Variants in TMEFF1 observed in about 807,000 individuals in gnomAD.
TMEFF1 encodes transmembrane protein with EGF like and two follistatin like domains 1.
In TMEFF1, 20 loss-of-function variants were observed where a neutral mutation model predicts 47.5. The ratio of observed to expected loss-of-function variants is 0.42; its 90% CI spans 0.30 to 0.61. The LOEUF (loss-of-function observed/expected upper bound fraction) is 0.61. Among genes scored for constraint, TMEFF1 ranks in the 20% least tolerant of loss-of-function variants. The probability of loss-of-function intolerance (pLI) is 0.19; values close to 1 mark genes in which losing one functional copy is unlikely to be tolerated. For synonymous variants in TMEFF1, 162 were observed against 166.3 expected, an observed-to-expected ratio of 0.97 and a Z score of 0.20; for missense variants, 411 against 471.1, an observed-to-expected ratio of 0.87 and a Z score of 1.18.
rs1255290151 is a variant in TMEFF1 at position 100,473,911 on chromosome 9, G to C, written c.196+171G>C. On this transcript the variant is annotated intron_variant, in intron 1 of 9. Coordinates refer to ENST00000374879, the MANE Select transcript of TMEFF1 (RefSeq NM_003692.5). This position sits in a 1 kb window ranked among gnomAD's most constrained non-coding sequence, Gnocchi z 5.4. ...GCGCGAGCGTGCGGTGTGGCTTTGGGACCGGCGCTGGGGATGGGAGTGGCC... is the reference window on the plus strand; with the variant it reads ...GCGCGAGCGTGCGGTGTGGCTTTGGCACCGGCGCTGGGGATGGGAGTGGCC... Among the ~76,000 whole-genome samples, 1 of 152,016 alleles carries C rather than the reference G, an allele frequency of 6.6e-6. No homozygotes were observed. The highest frequency in any genetic ancestry group is 2.4e-5 in the African/African-American group (1 of 41,420).
At chr9:100,547,957 A>G (rs1838766132) in intron 6 of TMEFF1, 65 bp downstream of exon 6, 1 of 1,364,442 alleles carries the variant, frequency 7.3e-7, no homozygotes, top group Non-Finnish European at 9.5e-7. Flanking sequence ...TCTTATTTGT[A>G]CATTTGGTAG....
chr9:100,508,885 A>C (rs1394683067), intron 2 of TMEFF1, 120 bp from the exon 3 acceptor site: 2 of 1,228,544 alleles, frequency 1.6e-6, no homozygotes, highest in African/African-American at 1.6e-5. Flanking sequence ...AAAAAAAAAA[A>C]ACCCCAGACT....
rs1837198622 is a variant in TMEFF1 at position 100,475,228 on chromosome 9, G to A, written c.196+1488G>A. Among the ~76,000 whole-genome samples the A allele has an allele frequency of 2.6e-5, 4 of 152,200 alleles. No individual in the cohort carries two copies. In the South Asian group the frequency reaches 8.3e-4, roughly 32 times the overall value. On this transcript the variant is annotated intron_variant, in intron 1 of 9. Coordinates refer to ENST00000374879, the MANE Select transcript of TMEFF1 (RefSeq NM_003692.5). ...AGATGCTTATGCTACCCTAAATGAA[G>A]CAAGCCTTTGGCCCGCTATTTAGGT...
rs117597003 is a variant in TMEFF1, at chr9:100,518,790, A to G, written c.560+2019A>G. Among the ~76,000 whole-genome samples the G allele has an allele frequency of 8.3e-3, 1,258 of 152,248 alleles. 31 individuals are homozygous for G. Among genetic ancestry groups the G allele is most frequent in the Admixed American group, 0.058 (882 of 15,284 alleles). On this transcript the variant is annotated intron_variant, in intron 5 of 9. Transcript: ENST00000374879. The stretch of plus-strand genomic sequence containing the variant: ...TGGGCCATGGTACCAAGAAAGTTAT[A>G]TAGTGGTTATGTAACTCCCTCAAAG...
chr9:100,526,955 C>CAAAAAAAA (rs55736750), intron 5 of TMEFF1, among the ~76,000 whole-genome samples: 13 of 38,978 alleles, frequency 3.3e-4, no homozygotes, highest in Admixed American at 8.5e-4. Flanking sequence ...GCTAAAAATA[C>CAAAAAAAA]AAAAAAAAAA....
At chr9:100,505,649 C>G (rs1368558169) in intron 2 of TMEFF1, among the ~76,000 whole-genome samples, 1 of 152,096 alleles carries the variant, frequency 6.6e-6, no homozygotes, top group Non-Finnish European at 1.5e-5. Flanking sequence ...TGGAACTGTC[C>G]TTTCCTTTGC....
intron 9 of TMEFF1, 149 bp downstream of exon 9, chr9:100,572,825 G>A (rs149138187): frequency 5.9e-6 from 6 of 1,017,436 alleles, no homozygotes; most frequent in Non-Finnish European, 4.0e-6. Context: ...TTCTTCTTTA[G>A]GATACGGGCA....
At chr9:100,541,347 C>CGTTTT (rs748303966) in intron 5 of TMEFF1, among the ~76,000 whole-genome samples, 3 of 131,454 alleles carry the variant, frequency 2.3e-5, no homozygotes, top group East Asian at 2.2e-4. Flanking sequence ...TTGGCAATTT[C>CGTTTT]ATTTTTTTTT....
chr9:100,512,574 C>T (rs936987205), intron 3 of TMEFF1, among the ~76,000 whole-genome samples: 2 of 152,168 alleles, frequency 1.3e-5, no homozygotes, highest in Non-Finnish European at 2.9e-5. Flanking sequence ...GATGATTTTA[C>T]ATCATTACCC....
intron 5 of TMEFF1, among the ~76,000 whole-genome samples, chr9:100,521,862 A>G (rs1428704055): frequency 2.6e-5 from 4 of 152,190 alleles, no homozygotes; most frequent in Non-Finnish European, 4.4e-5. Context: ...CTTTTTAGAG[A>G]TGCTGTTTCC....
chr9:100,521,101 C>G (rs1838152960), intron 5 of TMEFF1, among the ~76,000 whole-genome samples: 1 of 152,158 alleles, frequency 6.6e-6, no homozygotes, highest in African/African-American at 2.4e-5. Context: ...GAAACTGTAT[C>G]TAAAGTAAGA....
At chr9:100,561,265 A>C (rs1018259970) in intron 7 of TMEFF1, 132 bp from the exon 8 acceptor site, 1 of 1,468,946 alleles carries the variant, frequency 6.8e-7, no homozygotes, top group African/African-American at 1.4e-5. Context: ...CCTATCTGAT[A>C]AATTTTCTTT....
chr9:100,546,170 C>T (rs528660467), intron 5 of TMEFF1, among the ~76,000 whole-genome samples: 1 of 152,258 alleles, frequency 6.6e-6, no homozygotes, highest in African/African-American at 2.4e-5. Context: ...TCTGTTTTCA[C>T]ACTGCTGATA....
At chr9:100,503,603 G>A (rs1243885707) in intron 2 of TMEFF1, among the ~76,000 whole-genome samples, 1 of 150,888 alleles carries the variant, frequency 6.6e-6, no homozygotes, top group Non-Finnish European at 1.5e-5. Flanking sequence ...CGAGCAATAA[G>A]GAATTAGCTC....
At chr9:100,519,596 C>T (rs1018938144) in intron 5 of TMEFF1, among the ~76,000 whole-genome samples, 9 of 148,802 alleles carry the variant, frequency 6.0e-5, no homozygotes, top group South Asian at 2.2e-4. Context: ...AAAAAATTCC[C>T]GGAAGGAATG....
intron 5 of TMEFF1, among the ~76,000 whole-genome samples, chr9:100,519,125 A>C (rs1838118342): frequency 6.6e-6 from 1 of 152,154 alleles, no homozygotes; most frequent in Non-Finnish European, 1.5e-5. Context: ...CTTAATATTT[A>C]TCTTCAGGCA....
chr9:100,575,925 T>A (rs1839343150), intron 9 of TMEFF1, among the ~76,000 whole-genome samples: 1 of 152,144 alleles, frequency 6.6e-6, no homozygotes, highest in South Asian at 2.1e-4. Flanking sequence ...GAATGTCCCT[T>A]ATCCTCAGTG....
chr9:100,547,858 A>G lies in TMEFF1; in HGVS notation c.675A>G (p.Glu225=). The part of the protein sequence containing the change: ...FVREASCIKQ[E]QIDIRHLGHC... ...GAGAAGCATCTTGTATAAAGCAAGA[A>G]CAAATTGATATAAGGCATCTTGGTC... The change falls in exon 6 of 10, where the codon GAA becomes GAG. Residue 225 remains glutamate (E), a synonymous_variant. Transcript: ENST00000374879. 8 of 1,607,088 alleles carry G rather than the reference A, an allele frequency of 5.0e-6. No homozygotes were observed. Among genetic ancestry groups the G allele is most frequent in the Non-Finnish European group, 6.8e-6 (8 of 1,177,710 alleles).
At chr9:100,496,380 C>T (rs1837648516) in intron 1 of TMEFF1, among the ~76,000 whole-genome samples, 1 of 152,324 alleles carries the variant, frequency 6.6e-6, no homozygotes, top group South Asian at 2.1e-4. Flanking sequence ...GCTGGGACTA[C>T]AGGCATGTAC....
Sources: allele counts gnomAD v4.1 joint callset (sites outside exome capture counted in the v4.1 genomes callset), GRCh38; gene constraint gnomAD v4.1.1; non-coding constraint Gnocchi (gnomAD v3.1); transcripts MANE v1.5; gene names NCBI Gene and HGNC (gene_info 2026-07-23, HGNC 2026-07-21).